The following ZCWPW2 variants were observed in gnomAD, a reference collection of about 807,000 sequenced individuals.
ZCWPW2 encodes zinc finger CW-type and PWWP domain containing 2.
In ZCWPW2, 45 loss-of-function variants were observed where a neutral mutation model predicts 46.6. The observed-to-expected ratio is 0.96, with a 90% CI of 0.76 to 1.24. ZCWPW2 has a LOEUF of 1.24. Among genes scored for constraint, ZCWPW2 ranks in the 50% most tolerant of loss-of-function variants. The pLI, the probability that ZCWPW2 is intolerant of heterozygous loss-of-function variation, is 0.00. For synonymous variants in ZCWPW2, 152 were observed against 137.1 expected (o/e 1.11, Z -0.76); for missense variants, 429 against 403.9 (o/e 1.06, Z -0.53).
chr3:28,501,319 C>T (rs1273927047), intron 6 of ZCWPW2, among the ~76,000 whole-genome samples: 1 of 152,118 alleles, frequency 6.6e-6, no homozygotes, highest in Admixed American at 6.6e-5. Flanking sequence ...TCTTATTATG[C>T]CAGCTCAGAT....
At chr3:28,476,344 C>A (rs965276384) in intron 4 of ZCWPW2, among the ~76,000 whole-genome samples, 25 of 152,056 alleles carry the variant, frequency 1.6e-4, no homozygotes, top group African/African-American at 5.8e-4. Context: ...AAAATAGATC[C>A]TTAGTTTTTT....
chr3:28,464,406 T>C (rs184994652), intron 4 of ZCWPW2, among the ~76,000 whole-genome samples: 1 of 152,056 alleles, frequency 6.6e-6, no homozygotes, highest in Admixed American at 6.5e-5. Context: ...TAATGAGATA[T>C]AGGTTGAAAG....
chr3:28,469,293 AGAAG>A (rs1391146026), intron 4 of ZCWPW2, among the ~76,000 whole-genome samples: 3 of 152,260 alleles, frequency 2.0e-5, no homozygotes, highest in Non-Finnish European at 2.9e-5. Context: ...AAGGAAGAGA[AGAAG>A]GAAGGAAAGA....
At chr3:28,523,031 T>C (rs1700764644) in intron 9 of ZCWPW2, among the ~76,000 whole-genome samples, 1 of 152,160 alleles carries the variant, frequency 6.6e-6, no homozygotes, top group South Asian at 2.1e-4. Context: ...CCATTATAAG[T>C]AGTAACTTGA....
chr3:28,508,903 A>AT (rs941159365), intron 6 of ZCWPW2, among the ~76,000 whole-genome samples: 5 of 151,220 alleles, frequency 3.3e-5, no homozygotes, highest in African/African-American at 9.7e-5. Flanking sequence ...CATACAGTTC[A>AT]TTTTTTTTTA....
chr3:28,448,770 G>A (rs1473925230), intron 4 of ZCWPW2, among the ~76,000 whole-genome samples: 4 of 106,556 alleles, frequency 3.8e-5, no homozygotes, highest in African/African-American at 3.9e-5. Flanking sequence ...GGGCTACCAA[G>A]TGAGACTCTG....
intron 2 of ZCWPW2, among the ~76,000 whole-genome samples, chr3:28,409,131 T>C (rs1180458826): frequency 7.0e-6 from 1 of 143,284 alleles, no homozygotes; most frequent in East Asian, 2.0e-4. Context: ...TCTTTTTTTT[T>C]TTTTTTTTTT....
At chr3:28,489,656 ACACACACGCGCG>A (rs1240888536) in intron 5 of ZCWPW2, among the ~76,000 whole-genome samples, 3 of 69,522 alleles carry the variant, frequency 4.3e-5, no homozygotes, top group Admixed American at 2.0e-4. Context: ...TCTCTTTCAC[ACACACACGCGCG>A]CACACACACA....
At chr3:28,353,088 G>A (rs1411214004) in intron 1 of ZCWPW2, among the ~76,000 whole-genome samples, 1 of 151,850 alleles carries the variant, frequency 6.6e-6, no homozygotes, top group Admixed American at 6.6e-5. Flanking sequence ...GGAGGCTCAG[G>A]CACGAGAATT....
intron 8 of ZCWPW2, among the ~76,000 whole-genome samples, chr3:28,517,525 A>G (rs1000858740): frequency 6.6e-6 from 1 of 152,198 alleles, no homozygotes; most frequent in Non-Finnish European, 1.5e-5. Context: ...TCACCAGGAC[A>G]GTACCAAGGG....
intron 4 of ZCWPW2, among the ~76,000 whole-genome samples, chr3:28,460,251 A>G (rs796701969): frequency 6.4e-5 from 9 of 141,150 alleles, no homozygotes; most frequent in African/African-American, 2.2e-4. Flanking sequence ...ACAGAGCTAG[A>G]CTTTTTTTTT....
At chr3:28,389,173 G>A (rs1261964908) in intron 1 of ZCWPW2, among the ~76,000 whole-genome samples, 2 of 152,116 alleles carry the variant, frequency 1.3e-5, no homozygotes, top group Admixed American at 6.6e-5. Flanking sequence ...AATGTTACTA[G>A]TGGGCCACTA....
intron 7 of ZCWPW2, among the ~76,000 whole-genome samples, chr3:28,515,145 T>C (rs1218137198): frequency 1.3e-5 from 2 of 152,228 alleles, no homozygotes; most frequent in African/African-American, 4.8e-5. Flanking sequence ...CAACATAGAA[T>C]TGTGGAAACA....
At chr3:28,489,110 T>G (rs73822647) in intron 5 of ZCWPW2, among the ~76,000 whole-genome samples, 4,053 of 152,216 alleles carry the variant, frequency 0.027, 158 homozygotes, top group African/African-American at 0.087. Flanking sequence ...TGTTCCCAAT[T>G]TATTGCCTTG....
chr3:28,489,676 A>T (rs1439253957), intron 5 of ZCWPW2, among the ~76,000 whole-genome samples: 2 of 86,268 alleles, frequency 2.3e-5, no homozygotes, highest in Non-Finnish European at 2.9e-5. Flanking sequence ...GCGCACACAC[A>T]CACACACACA....
At chr3:28,444,176 A>G (rs1234636818) in intron 4 of ZCWPW2, among the ~76,000 whole-genome samples, 4 of 152,100 alleles carry the variant, frequency 2.6e-5, no homozygotes, top group African/African-American at 9.7e-5. Context: ...ATGCTTGTTC[A>G]CCAGATTTCT....
chr3:28,468,009 C>A (rs530851413), intron 4 of ZCWPW2, among the ~76,000 whole-genome samples: 15 of 152,106 alleles, frequency 9.9e-5, no homozygotes, highest in Admixed American at 7.9e-4. Context: ...TGAAGAGATA[C>A]GTGACCTTTC....
intron 4 of ZCWPW2, among the ~76,000 whole-genome samples, chr3:28,449,596 AG>A (rs759301946): frequency 7.9e-5 from 12 of 152,314 alleles, no homozygotes; most frequent in Non-Finnish European, 1.6e-4. Context: ...ATGGAGATAG[AG>A]GGTGGTGATG....
At chr3:28,364,244 A>G (rs866741289) in intron 1 of ZCWPW2, among the ~76,000 whole-genome samples, 1 of 152,328 alleles carries the variant, frequency 6.6e-6, no homozygotes, top group East Asian at 1.9e-4. Flanking sequence ...TGACCCAGCA[A>G]TTCCATTTAT....
Sources: gnomAD v4.1 joint callset for allele counts (sites outside exome capture counted in the v4.1 genomes callset) on GRCh38, gnomAD v4.1.1 for gene constraint, MANE v1.5 for transcripts, NCBI Gene and HGNC (gene_info 2026-07-23, HGNC 2026-07-21) for gene names.